Variants in DGKE observed in about 807,000 individuals in gnomAD.
DGKE encodes DAG kinase epsilon.
A neutral mutation model predicts 70.0 loss-of-function variants in DGKE; 53 were observed. The ratio of observed to expected loss-of-function variants is 0.76; its 90% confidence interval spans 0.61 to 0.95. The LOEUF (loss-of-function observed/expected upper bound fraction) is 0.95. DGKE is among the 40% of genes least tolerant of loss of function. The probability of loss-of-function intolerance (pLI) is 0.00; values close to 1 mark genes in which losing one functional copy is unlikely to be tolerated. For missense variants in DGKE, 655 were observed against 706.9 expected, an observed-to-expected ratio of 0.93 and a Z score of 0.83; for synonymous variants, 291 against 257.0, an observed-to-expected ratio of 1.13 and a Z score of -1.27.
Position 56,835,114 on chromosome 17 carries a change from C to T in DGKE, c.319C>T (p.Gln107Ter). Residue 107 changes from glutamine to a stop codon, truncating the protein, a stop_gained, in exon 2 of 12, where the codon CAG becomes TAG. Coordinates refer to ENST00000284061, the MANE Select transcript of DGKE (RefSeq NM_003647.3). LOFTEE classifies it high-confidence loss of function. ...CCTCAGGAAGGCCGACAAGCGCTTCCAGTGCAAGGAGATTATGCTCAAGAA... is the reference window on the plus strand; with the variant it reads ...CCTCAGGAAGGCCGACAAGCGCTTCTAGTGCAAGGAGATTATGCTCAAGAA... The part of the protein sequence containing the change: ...GCLRKADKRF[Q>*]CKEIMLKNDT... The T allele has an allele frequency of 6.2e-7, 1 of 1,613,924 alleles. No individual in the cohort carries two copies. The highest frequency in any genetic ancestry group is 1.1e-5 in the South Asian group (1 of 91,078).
rs1180087697 is a variant in DGKE, at chr17:56,867,119, T to C, written c.*4328T>C. On this transcript the variant is annotated 3_prime_UTR_variant, in exon 12 of 12. Transcript: ENST00000284061. ...ACATCAATACATATATATTTACCCATGTGGCCCTGTGTAGTCAGTGCATGA... is the reference window on the plus strand; with the variant it reads ...ACATCAATACATATATATTTACCCACGTGGCCCTGTGTAGTCAGTGCATGA... 4 of 152,238 alleles carry C rather than the reference T, an allele frequency of 2.6e-5. No homozygotes were observed. Among genetic ancestry groups the C allele is most frequent in the Admixed American group, 2.6e-4 (4 of 15,284 alleles). The allele number at this position is 152,238 out of a possible 1,614,324, so 9.4% of individuals were successfully genotyped here.
intron 9 of DGKE, among the ~76,000 whole-genome samples, chr17:56,860,799 C>T (rs1341572235): frequency 6.6e-6 from 1 of 151,772 alleles, no homozygotes; most frequent in African/African-American, 2.4e-5. Flanking sequence ...GCATACATGG[C>T]ATATTTGAGT....
intron 2 of DGKE, among the ~76,000 whole-genome samples, chr17:56,840,190 C>A (rs1324290239): frequency 1.3e-5 from 2 of 152,110 alleles, no homozygotes; most frequent in Non-Finnish European, 2.9e-5. Context: ...TAATAATAAT[C>A]TTTTCTGAAA....
intron 2 of DGKE, among the ~76,000 whole-genome samples, chr17:56,840,853 A>ATT (rs1906934492): frequency 6.6e-6 from 1 of 152,180 alleles, no homozygotes; most frequent in Non-Finnish European, 1.5e-5. Flanking sequence ...GCATAACAGC[A>ATT]TTTAATTAGG....
At chr17:56,857,118 T>C (rs1289878478) in intron 8 of DGKE, among the ~76,000 whole-genome samples, 1 of 152,150 alleles carries the variant, frequency 6.6e-6, no homozygotes, top group Non-Finnish European at 1.5e-5. Flanking sequence ...ACAAAACAAC[T>C]TTATCAAAGT....
chr17:56,852,211 G>A (rs1907693479), intron 7 of DGKE, among the ~76,000 whole-genome samples: 3 of 152,068 alleles, frequency 2.0e-5, no homozygotes, highest in African/African-American at 7.2e-5. Flanking sequence ...TCAGGTGTTC[G>A]AGACCAGTCT....
chr17:56,864,897 G>A lies in DGKE; in HGVS notation c.*2106G>A, dbSNP rs1908470557. 1 of 152,032 alleles carries A rather than the reference G, an allele frequency of 6.6e-6. No homozygotes were observed. Among genetic ancestry groups the A allele is most frequent in the Non-Finnish European group, 1.5e-5 (1 of 68,000 alleles). The allele number at this position is 152,032 out of a possible 1,614,324, so 9.4% of individuals were successfully genotyped here. On this transcript the variant is annotated 3_prime_UTR_variant, in exon 12 of 12. Transcript: ENST00000284061. ...TACACTGTATTTAGAACAGGCTTAT[G>A]TAAAATGCCCTCATTTATCTAAATA...
chr17:56,857,734 A>G (rs1908033203), intron 8 of DGKE, among the ~76,000 whole-genome samples: 1 of 152,170 alleles, frequency 6.6e-6, no homozygotes, highest in Non-Finnish European at 1.5e-5. Context: ...TTTTCTTTAT[A>G]AAATACAACT....
At chr17:56,834,637 G>A in intron 1 of DGKE, 141 bp from the exon 2 acceptor site, 1 of 791,436 alleles carries the variant, frequency 1.3e-6, no homozygotes, top group Non-Finnish European at 2.0e-6. Context: ...CCCGGGAGAC[G>A]GGGGGACGAG....
chr17:56,861,791 C>T lies in DGKE; in HGVS notation c.1285C>T (p.Leu429=), dbSNP rs2144298168. 1 of 1,612,002 alleles carries T rather than the reference C, an allele frequency of 6.2e-7. No homozygotes were observed. Residue 429 remains leucine, a splice_region_variant and synonymous_variant, in exon 10 of 12, where the codon CTA becomes TTA. Coordinates refer to ENST00000284061, the MANE Select transcript of DGKE (RefSeq NM_003647.3). Reference sequence around the variant, plus strand: ...ACTATCTATTTGTATTTCTTTAAAGCTAGAACTGGATGGTGAGCGAGTAGC... The same window carrying T: ...ACTATCTATTTGTATTTCTTTAAAGTTAGAACTGGATGGTGAGCGAGTAGC... The part of the protein sequence containing the change: ...ECKDLNKKVE[L]ELDGERVALP...
chr17:56,862,851 C>A lies in DGKE; in HGVS notation c.*60C>A. The A allele has an allele frequency of 7.5e-7, 1 of 1,337,236 alleles. No individual in the cohort carries two copies. The highest frequency in any genetic ancestry group is 9.7e-7 in the Non-Finnish European group (1 of 1,028,148). 82.8% of individuals were successfully genotyped at this position (1,337,236 alleles called of 1,614,324 possible). ...TCACGCAAGTAGATACATGTTCATCCAAAAGTATTAATAGAAATTCTCTAT... is the reference window on the plus strand; with the variant it reads ...TCACGCAAGTAGATACATGTTCATCAAAAAGTATTAATAGAAATTCTCTAT... On this transcript the variant is annotated 3_prime_UTR_variant, in exon 12 of 12. Coordinates refer to ENST00000284061, the MANE Select transcript of DGKE (RefSeq NM_003647.3).
At position 56,849,235 on chromosome 17, in the gene DGKE, A is replaced by G. The variant is rs1166614953; in HGVS notation, c.1098+3A>G. 4 of 1,609,962 alleles carry G rather than the reference A, an allele frequency of 2.5e-6. No individual in the cohort carries two copies. The highest frequency in any genetic ancestry group is 1.1e-5 in the South Asian group (1 of 90,118). On this transcript the variant is annotated splice_donor_region_variant and intron_variant, in intron 7 of 11. Coordinates refer to ENST00000284061, the MANE Select transcript of DGKE (RefSeq NM_003647.3). ...ACTACAACTTAAGAAAACCCAAGGT[A>G]TGTTGTTAGTGCCTCAGTTGCAAGT...
In DGKE at chr17:56,844,157, CAAAA is replaced by C; in HGVS notation, c.607_610del (p.Lys203GlnfsTer6). On this transcript the variant is annotated frameshift_variant, in exon 3 of 12. Transcript: ENST00000284061. LOFTEE classifies it high-confidence loss of function. ...CATCCATTAATCAGATGCGTAAAGA[CAAAA>C]AAACAGATTATGAAGTGGTAATTAG... The C allele has an allele frequency of 6.5e-7, 1 of 1,528,512 alleles. No individual in the cohort carries two copies. Among genetic ancestry groups the C allele is most frequent in the Non-Finnish European group, 8.8e-7 (1 of 1,141,112 alleles). 94.7% of individuals were successfully genotyped at this position (1,528,512 alleles called of 1,614,324 possible).
At chr17:56,843,339 T>C (rs1283620572) in intron 2 of DGKE, among the ~76,000 whole-genome samples, 3 of 152,212 alleles carry the variant, frequency 2.0e-5, no homozygotes, top group Non-Finnish European at 4.4e-5. Context: ...ATTATTCAGC[T>C]AGAGTATCAT....
At chr17:56,845,649 T>G (rs756654945) in intron 3 of DGKE, 41 bp from the exon 4 acceptor site, 1 of 1,569,836 alleles carries the variant, frequency 6.4e-7, no homozygotes, top group East Asian at 2.3e-5. Flanking sequence ...CTTTTCATCT[T>G]TAAGATACTA....
intron 2 of DGKE, among the ~76,000 whole-genome samples, chr17:56,843,126 C>T (rs577878968): frequency 2.7e-4 from 41 of 152,296 alleles, no homozygotes; most frequent in African/African-American, 9.4e-4. Flanking sequence ...ACCTACATTT[C>T]AGCCAAAGCA....
rs1336288165 is a variant in DGKE at position 56,864,060 on chromosome 17, A to G, written c.*1269A>G. 1 of 152,236 alleles carries G rather than the reference A, an allele frequency of 6.6e-6. No homozygotes were observed. Among genetic ancestry groups the G allele is most frequent in the Non-Finnish European group, 1.5e-5 (1 of 68,042 alleles). The allele number at this position is 152,236 out of a possible 1,614,324, so 9.4% of individuals were successfully genotyped here. A position where few individuals can be genotyped will look rare whatever the true frequency, so the allele number is the denominator to read the frequency against. Reference sequence around the variant, plus strand: ...AAGCACTAGGGAACTACTTTTGGATAACTGAAAGCTTTGTTTCATTGTTTT... The same window carrying G: ...AAGCACTAGGGAACTACTTTTGGATGACTGAAAGCTTTGTTTCATTGTTTT... On this transcript the variant is annotated 3_prime_UTR_variant, in exon 12 of 12. Transcript: ENST00000284061.
intron 9 of DGKE, among the ~76,000 whole-genome samples, chr17:56,861,330 A>G (rs1908281209): frequency 6.6e-6 from 1 of 152,216 alleles, no homozygotes; most frequent in Non-Finnish European, 1.5e-5. Context: ...AAATTGCAGA[A>G]AAGTTGCTTG....
intron 2 of DGKE, 83 bp downstream of exon 2, chr17:56,835,342 A>G: frequency 4.4e-6 from 6 of 1,358,838 alleles, no homozygotes; most frequent in Non-Finnish European, 6.0e-6. Flanking sequence ...GCCTGCTTTA[A>G]TCTCTGCTGA....
Sources: allele counts gnomAD v4.1 joint callset (sites outside exome capture counted in the v4.1 genomes callset), GRCh38; gene constraint gnomAD v4.1.1; transcripts MANE v1.5; gene names NCBI Gene and HGNC (gene_info 2026-07-23, HGNC 2026-07-21).